The following LILRA4 variants were observed in gnomAD, a reference collection of about 807,000 sequenced individuals.
LILRA4 encodes the protein leukocyte immunoglobulin like receptor A4, also known as leukocyte immunoglobulin-like receptor subfamily A member 4.
In LILRA4, 51 loss-of-function variants were observed where a neutral mutation model predicts 49.5. That is an observed-to-expected ratio of 1.03 (90% CI 0.82 to 1.30). The LOEUF is 1.30. LILRA4 is among the 50% of genes most tolerant of loss of function. LILRA4 has a pLI of 0.00. For synonymous variants in LILRA4, 272 were observed against 265.6 expected, an observed-to-expected ratio of 1.02 and a Z score of -0.23; for missense variants, 624 against 625.6, an observed-to-expected ratio of 1.00 and a Z score of 0.03.
rs1245784286 is a variant in LILRA4, at chr19:54,338,120, T to C, written c.471A>G (p.Glu157=). 1.9e-6 allele frequency: 3 copies of C among 1,613,950 alleles called. No homozygotes were observed. The highest frequency in any genetic ancestry group is 2.5e-6 in the Non-Finnish European group (3 of 1,179,982). The change falls in exon 4 of 8, where the codon GAA becomes GAG. Residue 157 remains glutamate (E), a synonymous_variant. Transcript: ENST00000291759. ...LGLGRFTLIE[E]GDHRLSWTLN... ...GGGTCCAGGAGAGCCTGTGGTCTCC[T>C]TCCTCAATCAGAGTGAACCTGCCCA...
chr19:54,338,834 G>T, intron 2 of LILRA4, 32 bp downstream of exon 2: 1 of 1,613,660 alleles, frequency 6.2e-7, no homozygotes, highest in East Asian at 2.2e-5. Flanking sequence ...CAGAGAGGAG[G>T]AGGGACCTAG....
chr19:54,338,133 G>C lies in LILRA4; in HGVS notation c.458C>G (p.Thr153Ser). 1 of 1,614,092 alleles carries C rather than the reference G, an allele frequency of 6.2e-7. No homozygotes were observed. The highest frequency in any genetic ancestry group is 8.5e-7 in the Non-Finnish European group (1 of 1,179,992). The change falls in exon 4 of 8, where the codon ACT (threonine) becomes AGT (serine). Residue 153 changes from threonine to serine, a missense_variant. By Grantham distance (58) the Thr-to-Ser change is moderately conservative. Transcript: ENST00000291759. Reference sequence around the variant, plus strand: ...CCTGTGGTCTCCTTCCTCAATCAGAGTGAACCTGCCCAGTCCCAGCCGTGA... The same window carrying C: ...CCTGTGGTCTCCTTCCTCAATCAGACTGAACCTGCCCAGTCCCAGCCGTGA... ...CASRLGLGRF[T>S]LIEEGDHRLS...
In LILRA4 at chr19:54,333,333, A is replaced by T. The variant is rs904659586; in HGVS notation, c.*239T>A. On this transcript the variant is annotated 3_prime_UTR_variant, in exon 8 of 8. Coordinates refer to ENST00000291759, the MANE Select transcript of LILRA4 (RefSeq NM_012276.5). Reference sequence around the variant, plus strand: ...AGTGGAGCAGAGCATGAGGTCACAGAGGGGCGGACCCAAACCCACCATAGG... The same window carrying T: ...AGTGGAGCAGAGCATGAGGTCACAGTGGGGCGGACCCAAACCCACCATAGG... 1 of 574,078 alleles carries T rather than the reference A, an allele frequency of 1.7e-6. No homozygotes were observed. Among genetic ancestry groups the T allele is most frequent in the Non-Finnish European group, 3.1e-6 (1 of 327,444 alleles). 35.6% of individuals were successfully genotyped at this position (574,078 alleles called of 1,614,324 possible).
rs1432831462 is a variant in LILRA4 at position 54,339,104 on chromosome 19, C to A, written c.-11G>T. 8.7e-6 allele frequency: 14 copies of A among 1,614,208 alleles called. 2 individuals carry two copies. The Admixed American group carries it at 1.8e-4, about 21-fold the overall frequency. On this transcript the variant is annotated 5_prime_UTR_variant, in exon 1 of 8. Coordinates refer to ENST00000291759, the MANE Select transcript of LILRA4 (RefSeq NM_012276.5). ...GAGAATGAGGGTCATGGCATCTCCTCCTCCTGGCCCTGGCTGTGCAGGCAG... is the reference window on the plus strand; with the variant it reads ...GAGAATGAGGGTCATGGCATCTCCTACTCCTGGCCCTGGCTGTGCAGGCAG...
At chr19:54,338,777 G>C (rs1569167571) in intron 2 of LILRA4, 89 bp downstream of exon 2, 1 of 1,599,714 alleles carries the variant, frequency 6.3e-7, no homozygotes, top group Non-Finnish European at 8.6e-7. Context: ...AGTCAGCCCA[G>C]AACTGCTGTC....
rs751874058 is a variant in LILRA4 at position 54,337,574 on chromosome 19, C to T, written c.778G>A (p.Ala260Thr). ...YIRYTLYKEG[A>T]DGLPQRPGRQ... ...CCAGGGCGCTGGGGGAGGCCATCGGCCCCCTCCTTGTACAGAGTGTATCTG... is the reference window on the plus strand; with the variant it reads ...CCAGGGCGCTGGGGGAGGCCATCGGTCCCCTCCTTGTACAGAGTGTATCTG... Residue 260 changes from alanine (A) to threonine (T), a missense_variant, in exon 5 of 8, where the codon GCC becomes ACC. Ala to Thr is a moderately conservative substitution (Grantham distance 58). Coordinates refer to ENST00000291759, the MANE Select transcript of LILRA4 (RefSeq NM_012276.5). 2 of 1,613,436 alleles carry T rather than the reference C, an allele frequency of 1.2e-6. No homozygotes were observed. Among genetic ancestry groups the T allele is most frequent in the African/African-American group, 2.7e-5 (2 of 74,910 alleles).
At position 54,339,146 on chromosome 19, in the gene LILRA4, C is replaced by T. The variant is rs201646503; in HGVS notation, c.-53G>A. ...TGCAGGCAGGTGTGGCCACGGTGCC[C>T]GTAGACACAGACAGACACATGGTGT... On this transcript the variant is annotated 5_prime_UTR_variant, in exon 1 of 8. Coordinates refer to ENST00000291759, the MANE Select transcript of LILRA4 (RefSeq NM_012276.5). 180 of 1,605,636 alleles carry T rather than the reference C, an allele frequency of 1.1e-4. No individual in the cohort carries two copies. In the East Asian group the frequency reaches 2.9e-3, roughly 26 times the overall value.
At chr19:54,333,795 G>A in intron 7 of LILRA4, 30 bp from the exon 8 acceptor site, 2 of 1,613,744 alleles carry the variant, frequency 1.2e-6, no homozygotes, top group Non-Finnish European at 1.7e-6. Context: ...AGGTCACAGA[G>A]GTCAGGGCAG....
intron 2 of LILRA4, 45 bp downstream of exon 2, chr19:54,338,821 C>G: frequency 6.2e-7 from 1 of 1,613,110 alleles, no homozygotes; most frequent in Non-Finnish European, 8.5e-7. Flanking sequence ...GGTCCCTTGT[C>G]CCCAGAGAGG....
Position 54,338,438 on chromosome 19 carries a change from CT to C in LILRA4, c.312del (p.Gly105AlafsTer13), listed in dbSNP as rs1248854167. 2 of 1,614,162 alleles carry C rather than the reference CT, an allele frequency of 1.2e-6. No individual in the cohort carries two copies. The highest frequency in any genetic ancestry group is 3.3e-5 in the Admixed American group (2 of 60,016). ...AGGGGGTCGCTGGGCTCTGACCAGC[CT>C]GCAGGGCTCTGATAGTAACAGTGAT... is the stretch of plus-strand genomic sequence containing the variant. ...GRYHCYYQSP[A>X]GWSEPSDPLE... is the part of the protein sequence containing the mutation. On this transcript the variant is annotated frameshift_variant, in exon 3 of 8. Coordinates refer to ENST00000291759, the MANE Select transcript of LILRA4 (RefSeq NM_012276.5). LOFTEE classifies it high-confidence loss of function.
Position 54,339,102 on chromosome 19 carries a change from C to A in LILRA4, c.-9G>T, listed in dbSNP as rs370442169. 3.3e-5 allele frequency: 53 copies of A among 1,614,210 alleles called. No homozygotes were observed. In the South Asian group the frequency reaches 5.2e-4, roughly 16 times the overall value. On this transcript the variant is annotated 5_prime_UTR_variant, in exon 1 of 8. In the 5' UTR this introduces an upstream ATG that the reference lacks. Coordinates refer to ENST00000291759, the MANE Select transcript of LILRA4 (RefSeq NM_012276.5). ...GTGAGAATGAGGGTCATGGCATCTCCTCCTCCTGGCCCTGGCTGTGCAGGC... is the reference window on the plus strand; with the variant it reads ...GTGAGAATGAGGGTCATGGCATCTCATCCTCCTGGCCCTGGCTGTGCAGGC...
At chr19:54,334,050 A>C in intron 6 of LILRA4, 85 bp from the exon 7 acceptor site, 2 of 1,097,796 alleles carry the variant, frequency 1.8e-6, no homozygotes, top group Non-Finnish European at 2.8e-6. Context: ...TCCACCTCTC[A>C]TGGTGTGACT....
In LILRA4 at chr19:54,337,443, G is replaced by A. The variant is rs549695591; in HGVS notation, c.909C>T (p.Ser303=). 28 of 1,611,884 alleles carry A rather than the reference G, an allele frequency of 1.7e-5. No individual in the cohort carries two copies. Among genetic ancestry groups the A allele is most frequent in the East Asian group, 6.7e-5 (3 of 44,870 alleles). ...YRCYGAHNVS[S]EWSAPSDPLD... ...GGGGGTCACTGGGGGCCGACCACTC[G>A]GAGGAGACGTTGTGTGCGCCGTAGC... The change falls in exon 5 of 8, where the codon TCC becomes TCT. Residue 303 remains serine (S), a synonymous_variant. Transcript: ENST00000291759.
At chr19:54,336,404 G>A in intron 6 of LILRA4, 1 of 213,686 alleles carries the variant, frequency 4.7e-6, no homozygotes, top group Non-Finnish European at 9.3e-6. Context: ...GGAGCAGGTG[G>A]GGCCTCCGTC....
intron 2 of LILRA4, 34 bp from the exon 3 acceptor site, chr19:54,338,714 T>C: frequency 6.3e-7 from 1 of 1,593,522 alleles, no homozygotes; most frequent in African/African-American, 1.3e-5. Flanking sequence ...TCCCAAGATG[T>C]CCTCAACCCT....
Position 54,333,480 on chromosome 19 carries a change from T to C in LILRA4, c.*92A>G. 1 of 1,272,154 alleles carries C rather than the reference T, an allele frequency of 7.9e-7. No individual in the cohort carries two copies. Among genetic ancestry groups the C allele is most frequent in the South Asian group, 1.2e-5 (1 of 80,500 alleles). 78.8% of individuals were successfully genotyped at this position (1,272,154 alleles called of 1,614,324 possible). On this transcript the variant is annotated 3_prime_UTR_variant, in exon 8 of 8. Transcript: ENST00000291759. ...CATCTTCTACAGACACCCAGACATC[T>C]TCCTGCACCTGACCCATGCTTCTTC...
In LILRA4 at chr19:54,333,763, G is replaced by C; in HGVS notation, c.1309C>G (p.Pro437Ala). 3 of 1,614,064 alleles carry C rather than the reference G, an allele frequency of 1.9e-6. No homozygotes were observed. Among genetic ancestry groups the C allele is most frequent in the Non-Finnish European group, 2.5e-6 (3 of 1,180,010 alleles). Reference protein sequence around the residue: ...AQKKSDSKTAPHLQDYTVENL... With the variant: ...AQKKSDSKTAAHLQDYTVENL... ...TCCACTGTGTAATCCTGGAGGTGTG[G>C]GGCTAGGGATGGTGGACAAAGAGGT... The change falls in exon 8 of 8, where the codon CCA (proline) becomes GCA (alanine). Residue 437 changes from proline to alanine, a missense_variant and splice_region_variant. Pro to Ala is a conservative substitution (Grantham distance 27, BLOSUM62 -1). Coordinates refer to ENST00000291759, the MANE Select transcript of LILRA4 (RefSeq NM_012276.5).
At chr19:54,334,993 T>A (rs1015538290) in intron 6 of LILRA4, 41 of 150,670 alleles carry the variant, frequency 2.7e-4, no homozygotes, top group African/African-American at 1.0e-3. Context: ...TAAAATAAAA[T>A]AAAATAATAA....
rs773793388 is a variant in LILRA4 at position 54,337,472 on chromosome 19, T to C, written c.880A>G (p.Arg294Gly). The change falls in exon 5 of 8, where the codon AGA (arginine) becomes GGA (glycine). Residue 294 changes from arginine (R) to glycine (G), a missense_variant. Arg to Gly is a moderately radical substitution (Grantham distance 125). Coordinates refer to ENST00000291759, the MANE Select transcript of LILRA4 (RefSeq NM_012276.5). Reference sequence around the variant, plus strand: ...GAGACGTTGTGTGCGCCGTAGCATCTGTACTGGCCCCCGTAGGAGCGGCTC... The same window carrying C: ...GAGACGTTGTGTGCGCCGTAGCATCCGTACTGGCCCCCGTAGGAGCGGCTC... ...PVSRSYGGQY[R>G]CYGAHNVSSE... is the part of the protein sequence containing the mutation. 1 of 1,612,200 alleles carries C rather than the reference T, an allele frequency of 6.2e-7. No homozygotes were observed. The highest frequency in any genetic ancestry group is 8.5e-7 in the Non-Finnish European group (1 of 1,179,834).
Sources: allele counts gnomAD v4.1 joint callset, GRCh38; gene constraint gnomAD v4.1.1; transcripts MANE v1.5; gene names NCBI Gene and HGNC (gene_info 2026-07-23, HGNC 2026-07-21).